DRD2: variants seen among roughly 807,000 people sequenced by gnomAD.
DRD2 encodes the protein dopamine receptor D2.
DRD2 carries 8 observed loss-of-function variants against 38.0 expected under a neutral mutation model. That is an observed-to-expected ratio of 0.21 (90% CI 0.12 to 0.38). The LOEUF is 0.38. DRD2 is among the 10% of genes least tolerant of loss of function. The pLI is 1.00. For missense variants in DRD2, 403 were observed against 607.7 expected (o/e 0.66, Z 3.54); for synonymous variants, 230 against 238.6 (o/e 0.96, Z 0.33).
At chr11:113,417,881 C>G in intron 3 of DRD2, 146 bp downstream of exon 3, 1 of 714,950 alleles carries the variant, frequency 1.4e-6, no homozygotes. Flanking sequence ...CACATGCACA[C>G]CCATACACAC....
intron 1 of DRD2, among the ~76,000 whole-genome samples, chr11:113,434,250 C>A (rs537945205): frequency 6.6e-6 from 1 of 152,360 alleles, no homozygotes; most frequent in East Asian, 1.9e-4. Flanking sequence ...GCAAGGCTCA[C>A]ATGTGTCTTG....
At chr11:113,450,744 T>C (rs1369562511) in intron 1 of DRD2, among the ~76,000 whole-genome samples, 1 of 152,162 alleles carries the variant, frequency 6.6e-6, no homozygotes, top group East Asian at 1.9e-4. Context: ...TTTGAGCCAA[T>C]TGACAGATGC....
intron 1 of DRD2, among the ~76,000 whole-genome samples, chr11:113,451,509 T>G (rs1465936493): frequency 2.0e-5 from 3 of 152,330 alleles, no homozygotes; most frequent in African/African-American, 7.2e-5. Context: ...TTATTTATTT[T>G]GAGATGGAAT....
intron 1 of DRD2, among the ~76,000 whole-genome samples, chr11:113,457,106 G>A (rs1303340808): frequency 6.6e-6 from 1 of 152,100 alleles, no homozygotes; most frequent in East Asian, 1.9e-4. Context: ...GGAGGCAATG[G>A]GAGAGACAGA....
intron 1 of DRD2, among the ~76,000 whole-genome samples, chr11:113,444,350 A>G (rs1951121824): frequency 6.6e-6 from 1 of 152,232 alleles, no homozygotes; most frequent in Non-Finnish European, 1.5e-5. Context: ...TTTGTACTCA[A>G]AGAAATGACC....
intron 1 of DRD2, among the ~76,000 whole-genome samples, chr11:113,429,643 C>A (rs1359488431): frequency 6.6e-6 from 1 of 152,174 alleles, no homozygotes; most frequent in Admixed American, 6.5e-5. Flanking sequence ...CAAGCAGGGG[C>A]AGCCTAGCTG....
intron 1 of DRD2, among the ~76,000 whole-genome samples, chr11:113,457,619 A>T (rs1315359019): frequency 2.0e-5 from 3 of 152,024 alleles, no homozygotes; most frequent in Non-Finnish European, 4.4e-5. Flanking sequence ...AAAAACGAAG[A>T]AAGGGGAGCC....
intron 1 of DRD2, among the ~76,000 whole-genome samples, chr11:113,466,284 A>G (rs1023940674): frequency 5.9e-5 from 9 of 152,212 alleles, no homozygotes; most frequent in African/African-American, 2.2e-4. Flanking sequence ...TGTACCTTTT[A>G]AAGTAAGGAC....
chr11:113,440,017 A>G (rs1201199807), intron 1 of DRD2, among the ~76,000 whole-genome samples: 1 of 152,134 alleles, frequency 6.6e-6, no homozygotes, highest in African/African-American at 2.4e-5. Flanking sequence ...AAAGGGCTCA[A>G]TCCTTGTCAC....
At position 113,424,535 on chromosome 11, in the gene DRD2, T is replaced by G. The variant is rs558639823; in HGVS notation, c.117A>C (p.Thr39=). 6.2e-7 allele frequency: 1 copy of G among 1,614,226 alleles called. No homozygotes were observed. Among genetic ancestry groups the G allele is most frequent in the South Asian group, 1.1e-5 (1 of 91,088 alleles). ...ADRPHYNYYA[T]LLTLLIAVIV... The stretch of plus-strand genomic sequence containing the variant: ...TGACAGCGATGAGCAGGGTGAGCAG[T>G]GTGGCATAGTAGTTGTAGTGGGGTC... The change falls in exon 2 of 8, where the codon ACA becomes ACC. Residue 39 remains threonine, a synonymous_variant. Transcript: ENST00000362072.
chr11:113,465,392 G>A (rs933854556), intron 1 of DRD2, among the ~76,000 whole-genome samples: 5 of 147,314 alleles, frequency 3.4e-5, no homozygotes, highest in Middle Eastern at 7.0e-3. Context: ...ACCATGCCTG[G>A]CCAGTTTTTG....
intron 1 of DRD2, among the ~76,000 whole-genome samples, chr11:113,460,140 T>C (rs1951304093): frequency 6.6e-6 from 1 of 152,266 alleles, no homozygotes; most frequent in Non-Finnish European, 1.5e-5. Flanking sequence ...CACTATCAAA[T>C]TGACTGTCTT....
At position 113,424,581 on chromosome 11, in the gene DRD2, C is replaced by T. The variant is rs1451860992; in HGVS notation, c.71G>A (p.Gly24Glu). Residue 24 changes from glycine to glutamate, a missense_variant, in exon 2 of 8, where the codon GGG (glycine) becomes GAG (glutamate). Gly to Glu is a moderately conservative substitution (Grantham distance 98, BLOSUM62 -2). Around this residue, in one of 4 missense-constraint regions of DRD2, gnomAD observed 162 missense variants for 254.5 expected, o/e 0.64. Coordinates refer to ENST00000362072, the MANE Select transcript of DRD2 (RefSeq NM_000795.4). ...ERQNWSRPFNGSDGKADRPHY... is the reference protein window; with the variant it reads ...ERQNWSRPFNESDGKADRPHY... ...GGGTCTGTCCGCCTTCCCGTCTGAC[C>T]CGTTGAAGGGCCGGCTCCAGTTCTG... is the stretch of plus-strand genomic sequence containing the variant. 1.2e-6 allele frequency: 2 copies of T among 1,614,092 alleles called. No homozygotes were observed. The highest frequency in any genetic ancestry group is 8.5e-7 in the Non-Finnish European group (1 of 1,180,050).
chr11:113,422,078 G>A (rs1033585839), intron 2 of DRD2, among the ~76,000 whole-genome samples: 54 of 152,254 alleles, frequency 3.5e-4, no homozygotes, highest in African/African-American at 1.2e-3. Flanking sequence ...GGGTCTGGAA[G>A]CTAACAGAAG....
chr11:113,443,693 C>T (rs1951114098), intron 1 of DRD2, among the ~76,000 whole-genome samples: 1 of 152,168 alleles, frequency 6.6e-6, no homozygotes, highest in South Asian at 2.1e-4. Context: ...TTGTCATTGT[C>T]ATTAGTTTAG....
chr11:113,414,224 G>A, intron 6 of DRD2, 151 bp downstream of exon 6: 1 of 785,344 alleles, frequency 1.3e-6, no homozygotes, highest in Non-Finnish European at 2.3e-6. Flanking sequence ...GCTTGGAGGT[G>A]TGCACGGTGA....
intron 1 of DRD2, among the ~76,000 whole-genome samples, chr11:113,458,262 C>G (rs1271020965): frequency 2.6e-5 from 4 of 152,190 alleles, no homozygotes; most frequent in Admixed American, 2.6e-4. Context: ...ATTTTCTGCC[C>G]TCACCTTTTG....
At chr11:113,465,409 T>C (rs1213333534) in intron 1 of DRD2, among the ~76,000 whole-genome samples, 2 of 99,584 alleles carry the variant, frequency 2.0e-5, no homozygotes, top group Non-Finnish European at 4.4e-5. Flanking sequence ...TTTGTTGTTG[T>C]TGTTGTTTGT....
chr11:113,436,703 C>T (rs7934416), intron 1 of DRD2, among the ~76,000 whole-genome samples: 143,906 of 152,250 alleles, frequency 0.95, 68,536 homozygotes, highest in East Asian at 1. Context: ...AGGTTCATGA[C>T]GCTATTCTTT....
Sources: allele counts gnomAD v4.1 joint callset (sites outside exome capture counted in the v4.1 genomes callset), GRCh38; gene constraint gnomAD v4.1.1; regional missense constraint gnomAD v4.1.1; transcripts MANE v1.5; gene names NCBI Gene and HGNC (gene_info 2026-07-23, HGNC 2026-07-21).